The following MCTP1 variants were observed in gnomAD, a reference collection of about 807,000 sequenced individuals.
The protein encoded by MCTP1 is multiple C2 and transmembrane domain-containing protein 1.
MCTP1 carries 69 observed loss-of-function variants against 120.6 expected under a neutral mutation model. The observed-to-expected ratio is 0.57, with a 90% CI of 0.47 to 0.70. The LOEUF is 0.70. MCTP1 is among the 30% of genes least tolerant of loss of function. The pLI, the probability that MCTP1 is intolerant of heterozygous loss-of-function variation, is 0.00. For synonymous variants in MCTP1, 529 were observed against 493.1 expected (o/e 1.07, Z -0.96); for missense variants, 1,203 against 1,248.8 (o/e 0.96, Z 0.55).
intron 1 of MCTP1, among the ~76,000 whole-genome samples, chr5:95,228,493 C>T (rs76249218): frequency 2.2e-5 from 2 of 92,520 alleles, no homozygotes; most frequent in African/African-American, 4.2e-5. Context: ...AGAGAGAGAG[C>T]GAGACAAATG....
rs73140024 is a variant in MCTP1 at position 95,070,197 on chromosome 5, G to C, written c.721-52713C>G. Reference sequence around the variant, plus strand: ...CACCAGGTCCATGGAAGGCCTACTAGGCCAAAGTCCCAGGCCACATCTGCA... The same window carrying C: ...CACCAGGTCCATGGAAGGCCTACTACGCCAAAGTCCCAGGCCACATCTGCA... On this transcript the variant is annotated intron_variant, in intron 1 of 22. Transcript: ENST00000515393. Among the ~76,000 whole-genome samples, 805 of 152,302 alleles carry C rather than the reference G, an allele frequency of 5.3e-3. 7 individuals are homozygous for C. Among genetic ancestry groups the C allele is most frequent in the African/African-American group, 0.018 (742 of 41,584 alleles).
intron 1 of MCTP1, among the ~76,000 whole-genome samples, chr5:95,222,109 G>A (rs986874447): frequency 1.3e-5 from 2 of 152,116 alleles, no homozygotes; most frequent in Non-Finnish European, 2.9e-5. Flanking sequence ...ATCAGCCCAG[G>A]TCTGGGATGG....
At chr5:94,842,433 T>C (rs1204713680) in intron 17 of MCTP1, among the ~76,000 whole-genome samples, 1 of 152,222 alleles carries the variant, frequency 6.6e-6, no homozygotes, top group Non-Finnish European at 1.5e-5. Flanking sequence ...CTTTAAATGC[T>C]AACATATGGA....
At chr5:95,171,009 T>A (rs1022909303) in intron 1 of MCTP1, among the ~76,000 whole-genome samples, 7 of 152,192 alleles carry the variant, frequency 4.6e-5, no homozygotes, top group Non-Finnish European at 8.8e-5. Flanking sequence ...CTAGTCTCGA[T>A]GGTCTTTACA....
At chr5:94,814,475 C>G (rs1580823905) in intron 17 of MCTP1, among the ~76,000 whole-genome samples, 1 of 152,116 alleles carries the variant, frequency 6.6e-6, no homozygotes, top group South Asian at 2.1e-4. Context: ...ATAGCTAAAG[C>G]AAATATCAAC....
At chr5:95,185,442 C>T (rs1048501672) in intron 1 of MCTP1, among the ~76,000 whole-genome samples, 1 of 152,130 alleles carries the variant, frequency 6.6e-6, no homozygotes, top group Non-Finnish European at 1.5e-5. Flanking sequence ...TCAATTGGCA[C>T]AGAAAAGGCA....
At chr5:94,883,475 T>C (rs760023047) in intron 12 of MCTP1, among the ~76,000 whole-genome samples, 7 of 152,222 alleles carry the variant, frequency 4.6e-5, no homozygotes, top group Non-Finnish European at 8.8e-5. Context: ...GATGTTAAGA[T>C]AGTAAAGTTA....
At chr5:95,040,057 T>C (rs1173052584) in intron 1 of MCTP1, among the ~76,000 whole-genome samples, 2 of 152,172 alleles carry the variant, frequency 1.3e-5, no homozygotes, top group Non-Finnish European at 2.9e-5. Context: ...TCTGGGAGCT[T>C]CATCTAATTA....
intron 12 of MCTP1, among the ~76,000 whole-genome samples, chr5:94,875,529 G>C (rs113425439): frequency 9.2e-5 from 14 of 152,012 alleles, no homozygotes; most frequent in Non-Finnish European, 1.3e-4. Context: ...TCTGATGGCT[G>C]CTATTTGGAA....
chr5:94,929,706 G>A, intron 6 of MCTP1: 1 of 983,832 alleles, frequency 1.0e-6, no homozygotes, highest in Non-Finnish European at 1.2e-6. Flanking sequence ...GTGTGTGAAG[G>A]AAGGTGGACT....
intron 1 of MCTP1, among the ~76,000 whole-genome samples, chr5:95,090,394 G>T (rs183277720): frequency 6.6e-6 from 1 of 152,256 alleles, no homozygotes. Flanking sequence ...GAATATCTGT[G>T]AGCTGATCCT....
At chr5:95,215,400 A>G (rs1752924831) in intron 1 of MCTP1, among the ~76,000 whole-genome samples, 1 of 152,190 alleles carries the variant, frequency 6.6e-6, no homozygotes, top group African/African-American at 2.4e-5. Context: ...GTCTTCTTTC[A>G]TAAGAGAATG....
At chr5:94,791,900 C>T (rs1288652124) in intron 18 of MCTP1, 1 of 152,366 alleles carries the variant, frequency 6.6e-6, no homozygotes, top group African/African-American at 2.4e-5. Context: ...TCAGGTGGGT[C>T]ATAGCCCTCA....
intron 17 of MCTP1, among the ~76,000 whole-genome samples, chr5:94,857,284 T>A (rs1678036100): frequency 6.6e-6 from 1 of 151,720 alleles, no homozygotes; most frequent in African/African-American, 2.4e-5. Context: ...GTGAAATGCA[T>A]CTTGAGCAGA....
intron 18 of MCTP1, among the ~76,000 whole-genome samples, chr5:94,797,151 T>C (rs993519866): frequency 6.6e-6 from 1 of 152,156 alleles, no homozygotes; most frequent in African/African-American, 2.4e-5. Flanking sequence ...AAGGATACAT[T>C]ATATATTATT....
chr5:94,763,168 C>G (rs1291939521), intron 19 of MCTP1, among the ~76,000 whole-genome samples: 1 of 152,180 alleles, frequency 6.6e-6, no homozygotes, highest in Non-Finnish European at 1.5e-5. Flanking sequence ...TAGCATATTT[C>G]TCTACTTCAA....
intron 3 of MCTP1, among the ~76,000 whole-genome samples, chr5:94,946,506 A>G (rs553008598): frequency 1.1e-4 from 17 of 152,286 alleles, no homozygotes; most frequent in Middle Eastern, 3.4e-3. Flanking sequence ...ACACATTTGG[A>G]AAATCCTCAA....
intron 1 of MCTP1, among the ~76,000 whole-genome samples, chr5:95,207,923 G>T (rs980358016): frequency 2.5e-5 from 3 of 118,964 alleles, no homozygotes; most frequent in Non-Finnish European, 3.8e-5. Context: ...AAAAGAATGA[G>T]CGGGCGAGAG....
chr5:94,975,709 C>A (rs1197266207), intron 2 of MCTP1, among the ~76,000 whole-genome samples: 1 of 152,012 alleles, frequency 6.6e-6, no homozygotes, highest in Non-Finnish European at 1.5e-5. Flanking sequence ...CAGCCTCTCT[C>A]CAATAACTGT....
Sources: allele counts gnomAD v4.1 joint callset (sites outside exome capture counted in the v4.1 genomes callset), GRCh38; gene constraint gnomAD v4.1.1; transcripts MANE v1.5; gene names NCBI Gene and HGNC (gene_info 2026-07-23, HGNC 2026-07-21).